Variants in LTBP1 observed in about 807,000 individuals in gnomAD.
The protein encoded by LTBP1 is latent-transforming growth factor beta-binding protein 1.
LTBP1 carries 129 observed loss-of-function variants against 207.6 expected under a neutral mutation model. The ratio of observed to expected loss-of-function variants is 0.62; its 90% CI spans 0.54 to 0.72. The LOEUF (loss-of-function observed/expected upper bound fraction) is 0.72. LTBP1 is among the 30% of genes least tolerant of loss of function. The probability of loss-of-function intolerance (pLI) is 0.00; values close to 1 mark genes in which losing one functional copy is unlikely to be tolerated. For missense variants in LTBP1, 2,281 were observed against 2,217.2 expected (o/e 1.03, Z -0.58); for synonymous variants, 963 against 833.7 (o/e 1.16, Z -2.67).
intron 2 of LTBP1, among the ~76,000 whole-genome samples, chr2:33,015,191 C>A (rs1004890648): frequency 6.6e-6 from 1 of 152,302 alleles, no homozygotes; most frequent in South Asian, 2.1e-4. Flanking sequence ...GAACCTGTTT[C>A]TATCTGTAAC....
chr2:32,948,792 C>A, intron 1 of LTBP1, 83 bp from the exon 2 acceptor site: 1 of 1,301,498 alleles, frequency 7.7e-7, no homozygotes, highest in Non-Finnish European at 1.1e-6. Context: ...TGGAGGCTGG[C>A]CTTTCTGGAA....
rs184813921 is a variant in LTBP1 at position 33,081,098 on chromosome 2, A to G, written c.864-29484A>G. Among the ~76,000 whole-genome samples the G allele has an allele frequency of 2.7e-5, 4 of 147,572 alleles. No individual in the cohort carries two copies. The Admixed American group carries it at 2.8e-4, about 10-fold the overall frequency. ...AGTATGATTGGACAAAGGGGGTATG[A>G]TCTAATAGTAATATACTGGGGGGAA... On this transcript the variant is annotated intron_variant, in intron 3 of 33. Transcript: ENST00000404816.
intron 10 of LTBP1, among the ~76,000 whole-genome samples, chr2:33,252,212 G>A (rs2092705371): frequency 1.3e-5 from 2 of 152,104 alleles, no homozygotes; most frequent in African/African-American, 4.8e-5. Flanking sequence ...TACTTCCCTG[G>A]GATGAGAAGA....
At chr2:33,049,841 C>G (rs1022800570) in intron 3 of LTBP1, among the ~76,000 whole-genome samples, 3 of 145,238 alleles carry the variant, frequency 2.1e-5, no homozygotes, top group African/African-American at 7.7e-5. Context: ...TTTTTTTTTT[C>G]TTTTTTTTTG....
At chr2:33,302,981 AC>A (rs1558977420) in intron 22 of LTBP1, among the ~76,000 whole-genome samples, 21 of 150,042 alleles carry the variant, frequency 1.4e-4, no homozygotes, top group Non-Finnish European at 2.5e-4. Context: ...ACACACACAC[AC>A]ACAAACACAC....
intron 5 of LTBP1, among the ~76,000 whole-genome samples, chr2:33,177,219 G>A (rs189683425): frequency 8.5e-5 from 13 of 152,218 alleles, no homozygotes; most frequent in Admixed American, 4.6e-4. Flanking sequence ...TTTCTTGTTC[G>A]CTATATCTCC....
rs757545499 is a variant in LTBP1, at chr2:33,263,324, C to A, written c.2549C>A (p.Pro850His). Reference protein sequence around the residue: ...VVIEKTSPPVPVEVAPEASTS... With the variant: ...VVIEKTSPPVHVEVAPEASTS... ...ATTGAAAAAACATCACCTCCTGTGC[C>A]TGTTGAAGTAGCTCCTGAAGCTTCT... The change falls in exon 15 of 34, where the codon CCT (proline) becomes CAT (histidine). Residue 850 changes from proline to histidine, a missense_variant. By Grantham distance (77) the Pro-to-His change is moderately conservative. Coordinates refer to ENST00000404816, the MANE Select transcript of LTBP1 (RefSeq NM_206943.4). 22 of 1,613,628 alleles carry A rather than the reference C, an allele frequency of 1.4e-5. No individual in the cohort carries two copies. The highest frequency in any genetic ancestry group is 1.8e-5 in the Non-Finnish European group (21 of 1,179,736).
chr2:33,181,911 A>G (rs1427411073), intron 5 of LTBP1, among the ~76,000 whole-genome samples: 1 of 152,180 alleles, frequency 6.6e-6, no homozygotes, highest in Non-Finnish European at 1.5e-5. Context: ...TCATAGTTGA[A>G]TCCTAAAGTT....
At chr2:33,359,209 C>G (rs574728052) in intron 26 of LTBP1, among the ~76,000 whole-genome samples, 2 of 152,276 alleles carry the variant, frequency 1.3e-5, no homozygotes, top group South Asian at 4.1e-4. Flanking sequence ...TCTTTATATT[C>G]TCACTGATGC....
At chr2:33,299,112 A>G (rs1461148470) in intron 20 of LTBP1, among the ~76,000 whole-genome samples, 1 of 152,002 alleles carries the variant, frequency 6.6e-6, no homozygotes, top group Admixed American at 6.6e-5. Context: ...CCTCTCTACT[A>G]AAAATACAAA....
Position 33,389,278 on chromosome 2 carries a change from A to G in LTBP1, c.4806A>G (p.Pro1602=), listed in dbSNP as rs1219320958. ...ALVDFSEQYT[P]EADPYFIQDR... ...TTGACTTCAGTGAACAGTATACTCC[A>G]GAAGCCGATCCCTACTTCATCCAAG... Residue 1602 remains proline (P), a synonymous_variant, in exon 32 of 34, where the codon CCA becomes CCG. Coordinates refer to ENST00000404816, the MANE Select transcript of LTBP1 (RefSeq NM_206943.4). 21 of 1,614,194 alleles carry G rather than the reference A, an allele frequency of 1.3e-5. No homozygotes were observed. The highest frequency in any genetic ancestry group is 4.4e-5 in the South Asian group (4 of 91,076).
chr2:33,117,850 A>C (rs1021144814), intron 4 of LTBP1, among the ~76,000 whole-genome samples: 4 of 152,200 alleles, frequency 2.6e-5, no homozygotes, highest in Non-Finnish European at 5.9e-5. Context: ...GATGAATTGC[A>C]ATCTGGAGAT....
At chr2:33,009,399 T>A (rs1687366652) in intron 2 of LTBP1, among the ~76,000 whole-genome samples, 1 of 152,220 alleles carries the variant, frequency 6.6e-6, no homozygotes, top group Admixed American at 6.5e-5. Flanking sequence ...CATAGGGTCC[T>A]TGCAGATGTA....
intron 2 of LTBP1, among the ~76,000 whole-genome samples, chr2:32,970,804 T>G (rs994453006): frequency 6.6e-6 from 1 of 152,108 alleles, no homozygotes; most frequent in Non-Finnish European, 1.5e-5. Flanking sequence ...AAGAATGTCA[T>G]TGTTAGTTGA....
intron 3 of LTBP1, among the ~76,000 whole-genome samples, chr2:33,090,809 A>G (rs538930085): frequency 1.3e-5 from 2 of 152,300 alleles, no homozygotes; most frequent in South Asian, 2.1e-4. Context: ...ATATAACTCA[A>G]CGCCATTTCA....
chr2:33,082,661 G>A (rs1267431088), intron 3 of LTBP1, among the ~76,000 whole-genome samples: 5 of 151,894 alleles, frequency 3.3e-5, no homozygotes, highest in East Asian at 1.9e-4. Context: ...TCCTGACCTC[G>A]TGATCCGCCT....
intron 7 of LTBP1, among the ~76,000 whole-genome samples, chr2:33,204,715 G>C (rs577322712): frequency 6.6e-6 from 1 of 152,172 alleles, no homozygotes; most frequent in African/African-American, 2.4e-5. Context: ...AAGTAGCTAA[G>C]AGTATAGGTG....
chr2:33,123,738 A>G (rs1364013722), intron 4 of LTBP1, among the ~76,000 whole-genome samples: 1 of 152,214 alleles, frequency 6.6e-6, no homozygotes, highest in Non-Finnish European at 1.5e-5. Context: ...ACATGAGGTA[A>G]GTTCCACCCT....
intron 2 of LTBP1, among the ~76,000 whole-genome samples, chr2:32,981,894 C>T (rs1453830681): frequency 6.6e-6 from 1 of 152,152 alleles, no homozygotes; most frequent in Non-Finnish European, 1.5e-5. Flanking sequence ...GTCCATTAAA[C>T]CTGTTTTATA....
Sources: allele counts gnomAD v4.1 joint callset (sites outside exome capture counted in the v4.1 genomes callset), GRCh38; gene constraint gnomAD v4.1.1; transcripts MANE v1.5; gene names NCBI Gene and HGNC (gene_info 2026-07-23, HGNC 2026-07-21).